Variants in LRMDA observed in about 807,000 individuals in gnomAD.
LRMDA encodes leucine-rich melanocyte differentiation-associated protein.
A neutral mutation model predicts 29.8 loss-of-function variants in LRMDA; 18 were observed. The ratio of observed to expected loss-of-function variants is 0.60; its 90% CI spans 0.42 to 0.90. The LOEUF (loss-of-function observed/expected upper bound fraction) is 0.90, where lower values mean the gene tolerates loss of function less well. Among genes scored for constraint, LRMDA ranks in the 40% least tolerant of loss-of-function variants. LRMDA has a pLI of 0.00. For missense variants in LRMDA, 273 were observed against 273.9 expected (o/e 1.00, Z 0.02); for synonymous variants, 125 against 109.4 (o/e 1.14, Z -0.89).
intron 2 of LRMDA, among the ~76,000 whole-genome samples, chr10:75,794,315 A>G (rs1371230192): frequency 1.1e-4 from 17 of 152,248 alleles, no homozygotes; most frequent in Admixed American, 1.0e-3. Flanking sequence ...ATCCCATTTT[A>G]TGAATATAGA....
intron 5 of LRMDA, among the ~76,000 whole-genome samples, chr10:76,063,924 C>T (rs1297175176): frequency 6.6e-6 from 1 of 152,152 alleles, no homozygotes; most frequent in Non-Finnish European, 1.5e-5. Context: ...CTGCTCGCCC[C>T]TGGGGTGCCA....
intron 5 of LRMDA, among the ~76,000 whole-genome samples, chr10:76,135,098 A>C (rs1850069188): frequency 6.6e-6 from 1 of 152,246 alleles, no homozygotes; most frequent in Admixed American, 6.5e-5. Context: ...CAGGTAAATA[A>C]TCATCATGAT....
At chr10:75,735,966 G>A (rs1564553395) in intron 2 of LRMDA, among the ~76,000 whole-genome samples, 1 of 152,006 alleles carries the variant, frequency 6.6e-6, no homozygotes, top group Non-Finnish European at 1.5e-5. Flanking sequence ...TTTGTGGTGG[G>A]GATGGCAGCT....
At chr10:75,654,357 T>C (rs1345998387) in intron 2 of LRMDA, among the ~76,000 whole-genome samples, 1 of 152,216 alleles carries the variant, frequency 6.6e-6, no homozygotes, top group Non-Finnish European at 1.5e-5. Context: ...CTACTCAGTT[T>C]ATATAAGTTG....
At chr10:76,448,446 C>T (rs1261920503) in intron 6 of LRMDA, among the ~76,000 whole-genome samples, 1 of 152,048 alleles carries the variant, frequency 6.6e-6, no homozygotes, top group Admixed American at 6.6e-5. Context: ...CATAATGAAA[C>T]ATTTTGATCC....
intron 2 of LRMDA, among the ~76,000 whole-genome samples, chr10:76,012,200 T>A (rs892994944): frequency 9.9e-5 from 15 of 152,238 alleles, no homozygotes; most frequent in Admixed American, 4.6e-4. Flanking sequence ...GCCCTTGGTC[T>A]GCACTGGGTT....
chr10:75,727,668 A>G (rs1019394122), intron 2 of LRMDA, among the ~76,000 whole-genome samples: 4 of 152,262 alleles, frequency 2.6e-5, no homozygotes, highest in African/African-American at 9.6e-5. Flanking sequence ...GTTATTTTAC[A>G]TAACAAAGAA....
intron 2 of LRMDA, among the ~76,000 whole-genome samples, chr10:75,857,417 G>GA (rs1274654642): frequency 1.3e-5 from 2 of 152,142 alleles, no homozygotes; most frequent in Admixed American, 1.3e-4. Flanking sequence ...CTCTTTGAGG[G>GA]AAAACCTCTC....
At chr10:76,005,191 C>G (rs549404451) in intron 2 of LRMDA, among the ~76,000 whole-genome samples, 32 of 152,300 alleles carry the variant, frequency 2.1e-4, no homozygotes, top group African/African-American at 7.5e-4. Flanking sequence ...TCTCCCTAAA[C>G]ATAGGACTTC....
chr10:75,807,416 G>T (rs1183236425), intron 2 of LRMDA, among the ~76,000 whole-genome samples: 1 of 152,182 alleles, frequency 6.6e-6, no homozygotes, highest in Non-Finnish European at 1.5e-5. Flanking sequence ...GTTGGCAAAG[G>T]GTCTAAAATT....
chr10:75,827,529 A>G (rs1844267925), intron 2 of LRMDA, among the ~76,000 whole-genome samples: 1 of 152,158 alleles, frequency 6.6e-6, no homozygotes. Flanking sequence ...CCTCCTCATC[A>G]CAAGTTTTAT....
At chr10:76,540,886 G>A (rs971438452) in intron 6 of LRMDA, among the ~76,000 whole-genome samples, 7 of 152,140 alleles carry the variant, frequency 4.6e-5, no homozygotes, top group African/African-American at 1.4e-4. Context: ...TCTTTGTTAC[G>A]AGTGAATAAC....
intron 5 of LRMDA, among the ~76,000 whole-genome samples, chr10:76,227,750 A>T (rs932110389): frequency 6.6e-6 from 1 of 152,158 alleles, no homozygotes; most frequent in Non-Finnish European, 1.5e-5. Context: ...AGAAAGGGAG[A>T]CAGGTTGGTT....
Position 76,275,530 on chromosome 10 carries a change from A to G in LRMDA, c.517-48871A>G, listed in dbSNP as rs184558988. 4.4e-3 allele frequency among the ~76,000 whole-genome samples: 662 copies of G among 152,162 alleles called. 4 individuals carry two copies. Among genetic ancestry groups the G allele is most frequent in the Middle Eastern group, 0.014 (4 of 294 alleles). The stretch of plus-strand genomic sequence containing the variant: ...CTAATTATTTTATTTTATTTTTCAT[A>G]TGCATTCACTGTGATTATGTCAAAC... On this transcript the variant is annotated intron_variant, in intron 5 of 6. Transcript: ENST00000611255.
chr10:76,363,703 G>T (rs766824897), intron 6 of LRMDA, among the ~76,000 whole-genome samples: 6 of 150,870 alleles, frequency 4.0e-5, no homozygotes, highest in Admixed American at 6.6e-5. Context: ...TAGTTTCTTG[G>T]TATAACAACC....
intron 2 of LRMDA, among the ~76,000 whole-genome samples, chr10:75,714,264 A>G (rs1363964493): frequency 1.3e-4 from 20 of 152,232 alleles, no homozygotes; most frequent in Admixed American, 1.3e-3. Flanking sequence ...TAGATTATCT[A>G]TCACTCTGAC....
chr10:75,782,853 C>A, intron 2 of LRMDA: 5 of 1,533,046 alleles, frequency 3.3e-6, no homozygotes, highest in East Asian at 4.8e-5. Flanking sequence ...TAGTTTTATT[C>A]TTTTTCCCTT....
At chr10:76,522,822 A>T (rs1843134875) in intron 6 of LRMDA, among the ~76,000 whole-genome samples, 1 of 152,152 alleles carries the variant, frequency 6.6e-6, no homozygotes, top group Admixed American at 6.5e-5. Context: ...CTCCAGATGG[A>T]TGGATGCCTT....
At chr10:76,482,084 C>T (rs1379388170) in intron 6 of LRMDA, among the ~76,000 whole-genome samples, 1 of 151,866 alleles carries the variant, frequency 6.6e-6, no homozygotes, top group East Asian at 1.9e-4. Context: ...CATATATTTT[C>T]CTTCTTGGTT....
Sources: gnomAD v4.1 joint callset for allele counts (sites outside exome capture counted in the v4.1 genomes callset) on GRCh38, gnomAD v4.1.1 for gene constraint, MANE v1.5 for transcripts, NCBI Gene and HGNC (gene_info 2026-07-23, HGNC 2026-07-21) for gene names.